Variants in NCOR2 observed in about 807,000 individuals in gnomAD.
NCOR2 encodes nuclear receptor corepressor 2.
A neutral mutation model predicts 262.9 loss-of-function variants in NCOR2; 81 were observed. That is an observed-to-expected ratio of 0.31 (90% confidence interval 0.26 to 0.37). The LOEUF is 0.37. NCOR2 is among the 10% of genes least tolerant of loss of function. The pLI is 1.00. For synonymous variants in NCOR2, 1,659 were observed against 1,559.3 expected (o/e 1.06, Z -1.51); for missense variants, 3,385 against 3,621.4 (o/e 0.93, Z 1.68).
intron 1 of NCOR2, among the ~76,000 whole-genome samples, chr12:124,494,695 G>A (rs773736395): frequency 2.6e-5 from 4 of 152,174 alleles, no homozygotes; most frequent in Admixed American, 6.5e-5. Context: ...GCCTCGAGCC[G>A]CACCAAGGTG....
intron 7 of NCOR2, among the ~76,000 whole-genome samples, chr12:124,439,945 T>G (rs575512513): frequency 3.0e-4 from 45 of 151,898 alleles, no homozygotes; most frequent in Admixed American, 2.8e-3. Context: ...GCCCACGCCA[T>G]GAGGGCTGGA....
At chr12:124,499,602 C>T (rs557461146), upstream of NCOR2, among the ~76,000 whole-genome samples, 3 of 152,084 alleles carry the variant, frequency 2.0e-5, no homozygotes, top group African/African-American at 4.8e-5. Flanking sequence ...GGTGAGCCCC[C>T]GCCAGGCGGT....
At chr12:124,385,711 C>T in intron 17 of NCOR2, 34 bp downstream of exon 19, 2 of 1,608,456 alleles carry the variant, frequency 1.2e-6, no homozygotes, top group Non-Finnish European at 1.7e-6. Context: ...TCCCAGCTTC[C>T]CAGAGGCGCG....
chr12:124,328,347 T>A (rs1310586311), intron 44 of NCOR2, among the ~76,000 whole-genome samples: 1 of 152,136 alleles, frequency 6.6e-6, no homozygotes, highest in Admixed American at 6.5e-5. Flanking sequence ...TTACGGTGCG[T>A]GCAGGGGACA....
At chr12:124,347,136 C>A (rs749197897) in intron 30 of NCOR2, among the ~76,000 whole-genome samples, 6 of 152,206 alleles carry the variant, frequency 3.9e-5, no homozygotes, top group South Asian at 2.1e-4. Flanking sequence ...TGGGGGGCTG[C>A]GGCAGGCAGA....
chr12:124,374,902 C>A (rs1265117557), intron 18 of NCOR2, among the ~76,000 whole-genome samples: 1 of 152,082 alleles, frequency 6.6e-6, no homozygotes, highest in African/African-American at 2.4e-5. Context: ...GCCTTCATTG[C>A]CCCCCCACCA....
intron 46 of NCOR2, 39 bp downstream of exon 48, chr12:124,326,152 G>T: frequency 6.9e-7 from 1 of 1,453,964 alleles, no homozygotes; most frequent in East Asian, 2.7e-5. Flanking sequence ...CAGTGTTGGG[G>T]GCTCAGCGAG....
rs372494310 is a variant in NCOR2, at chr12:124,378,224, C to T, written c.2167+13G>A. 9.9e-6 allele frequency: 16 copies of T among 1,612,156 alleles called. No individual in the cohort carries two copies. The highest frequency in any genetic ancestry group is 1.3e-5 in the African/African-American group (1 of 74,918). On this transcript the variant is annotated intron_variant, in intron 18 of 46. Coordinates refer to ENST00000405201, the Ensembl canonical transcript of NCOR2. This position sits in a 1 kb window ranked among gnomAD's most constrained non-coding sequence, Gnocchi z 4.2. ...ACAGCTGCCAGCCACCTCCAAGCCG[C>T]GCCAGCCCTCACCTTCAGCCTCCTC...
intron 20 of NCOR2, among the ~76,000 whole-genome samples, chr12:124,364,913 G>T (rs1053068266): frequency 1.7e-4 from 26 of 150,184 alleles, no homozygotes; most frequent in Admixed American, 6.0e-4. Flanking sequence ...AGGCAGCCCG[G>T]CCTGAGTTTG....
intron 1 of NCOR2, among the ~76,000 whole-genome samples, chr12:124,492,619 CTG>C (rs1243535219): frequency 6.6e-6 from 1 of 152,214 alleles, no homozygotes; most frequent in Non-Finnish European, 1.5e-5. Context: ...CCGCCACTGA[CTG>C]TCCCCTTACC....
intron 1 of NCOR2, among the ~76,000 whole-genome samples, chr12:124,511,485 C>T (rs1269494716): frequency 6.6e-6 from 1 of 152,214 alleles, no homozygotes; most frequent in East Asian, 1.9e-4. Flanking sequence ...AACCCGGGTT[C>T]TGCAGGAGTC....
chr12:124,546,693 A>G (rs528288123), intron 1 of NCOR2, among the ~76,000 whole-genome samples: 2 of 152,254 alleles, frequency 1.3e-5, no homozygotes, highest in Admixed American at 1.3e-4. Flanking sequence ...GGTTACAGGC[A>G]TGAGCCACCG....
In NCOR2 at chr12:124,355,491, G is replaced by A. The variant is rs771552958; in HGVS notation, c.3322C>T (p.Leu1108Phe). 4.1e-5 allele frequency: 66 copies of A among 1,611,324 alleles called. No homozygotes were observed. The highest frequency in any genetic ancestry group is 5.3e-5 in the Non-Finnish European group (63 of 1,179,294). ...CTGGGGTGCTTGGCAGAGGAGATGA[G>A]GGGAGGCGGGTTGGAGATGGTGGGT... Residue 1108 changes from leucine to phenylalanine, a missense_variant, in exon 24 of 47, where the codon CTC becomes TTC. By Grantham distance (22) the Leu-to-Phe change is conservative (BLOSUM62 0). Coordinates refer to ENST00000405201, the Ensembl canonical transcript of NCOR2.
At chr12:124,343,766 A>G (rs2036665414) in intron 32 of NCOR2, among the ~76,000 whole-genome samples, 1 of 152,036 alleles carries the variant, frequency 6.6e-6, no homozygotes, top group African/African-American at 2.4e-5. Flanking sequence ...AGCTGGGAAT[A>G]CAGGTGCGTA....
intron 33 of NCOR2, among the ~76,000 whole-genome samples, chr12:124,342,786 G>T (rs1017425172): frequency 2.0e-5 from 3 of 152,188 alleles, no homozygotes; most frequent in African/African-American, 7.2e-5. Flanking sequence ...GAAAACCACT[G>T]AAATGTTTAA....
At chr12:124,526,969 G>A (rs1359686898) in intron 1 of NCOR2, among the ~76,000 whole-genome samples, 6 of 152,184 alleles carry the variant, frequency 3.9e-5, no homozygotes, top group Non-Finnish European at 8.8e-5. Flanking sequence ...AATCAGGGCC[G>A]CTGAAAGAGA....
intron 11 of NCOR2, 145 bp from the exon 14 acceptor site, chr12:124,422,700 GTGGGAAGGGCTGCTGCGGCAGACGGGA>G: frequency 1.2e-6 from 1 of 842,622 alleles, no homozygotes; most frequent in Non-Finnish European, 1.9e-6. Context: ...CCAGGGGGGT[GTGGGAAGGGCTGCTGCGGCAGACGGGA>G]GGGGTGGGGA....
chr12:124,420,321 A>G (rs183099092), intron 12 of NCOR2, among the ~76,000 whole-genome samples: 10 of 152,238 alleles, frequency 6.6e-5, no homozygotes, highest in African/African-American at 1.7e-4. Flanking sequence ...CAGAGCAAAC[A>G]TGATGGAAGT....
chr12:124,344,814 C>T (rs900503504), exon 32 of NCOR2: 3 of 1,555,062 alleles, frequency 1.9e-6, no homozygotes, highest in South Asian at 1.2e-5. Flanking sequence ...AGGCACGTTC[C>T]AGTGCCCGGG....
Sources: allele counts gnomAD v4.1 joint callset (sites outside exome capture counted in the v4.1 genomes callset), GRCh38; gene constraint gnomAD v4.1.1; non-coding constraint Gnocchi (gnomAD v3.1); transcripts MANE v1.5; gene names NCBI Gene and HGNC (gene_info 2026-07-23, HGNC 2026-07-21).